Variants in NTRK2 observed in about 807,000 individuals in gnomAD.
NTRK2 encodes neurotrophic receptor tyrosine kinase 2.
In NTRK2, 13 loss-of-function variants were observed where a neutral mutation model predicts 94.5. That is an observed-to-expected ratio of 0.14 (90% CI 0.09 to 0.22). The LOEUF (loss-of-function observed/expected upper bound fraction) is 0.22, where lower values mean the gene tolerates loss of function less well. Among genes scored for constraint, NTRK2 ranks in the 10% least tolerant of loss-of-function variants. The pLI is 1.00. For missense variants in NTRK2, 639 were observed against 1,071.2 expected (o/e 0.60, Z 5.63); for synonymous variants, 372 against 407.4 (o/e 0.91, Z 1.05).
chr9:85,016,033 T>C (rs908630489), intron 17 of NTRK2, among the ~76,000 whole-genome samples: 4 of 152,248 alleles, frequency 2.6e-5, no homozygotes, highest in African/African-American at 7.2e-5. Context: ...CCATGTCTGC[T>C]GTAGAGCATA....
intron 17 of NTRK2, among the ~76,000 whole-genome samples, chr9:85,010,237 T>A (rs1831411589): frequency 6.6e-6 from 1 of 152,042 alleles, no homozygotes; most frequent in African/African-American, 2.4e-5. Flanking sequence ...ATAGGAAGAG[T>A]CTTACATTGG....
At chr9:84,955,819 C>G (rs1824045804) in intron 17 of NTRK2, among the ~76,000 whole-genome samples, 1 of 152,202 alleles carries the variant, frequency 6.6e-6, no homozygotes, top group Non-Finnish European at 1.5e-5. Context: ...GGACACCAGT[C>G]AGATTGGATT....
chr9:84,969,277 G>A (rs540189109), intron 17 of NTRK2, among the ~76,000 whole-genome samples: 2 of 152,306 alleles, frequency 1.3e-5, no homozygotes, highest in Non-Finnish European at 1.5e-5. Context: ...GGTCCAGAAC[G>A]ATCACTCGCT....
At chr9:84,915,903 G>C (rs2077378601) in intron 14 of NTRK2, among the ~76,000 whole-genome samples, 1 of 152,100 alleles carries the variant, frequency 6.6e-6, no homozygotes, top group South Asian at 2.1e-4. Context: ...CACTAGAGAA[G>C]TGTCCTGCTC....
At chr9:84,829,895 T>C (rs1334625301) in intron 12 of NTRK2, among the ~76,000 whole-genome samples, 3 of 152,224 alleles carry the variant, frequency 2.0e-5, no homozygotes, top group African/African-American at 7.2e-5. Context: ...TTACTGCATT[T>C]GAGAGTGTTT....
intron 17 of NTRK2, among the ~76,000 whole-genome samples, chr9:84,998,287 G>A (rs1289589716): frequency 6.6e-6 from 1 of 152,168 alleles, no homozygotes; most frequent in East Asian, 1.9e-4. Context: ...CACTTCAAGG[G>A]GCACTTAGCT....
At chr9:84,840,481 C>G (rs1014574645) in intron 12 of NTRK2, among the ~76,000 whole-genome samples, 1 of 151,992 alleles carries the variant, frequency 6.6e-6, no homozygotes, top group African/African-American at 2.4e-5. Context: ...GGCTTCTCCC[C>G]AGGACCGCCC....
chr9:84,939,591 A>T (rs1363990805), intron 15 of NTRK2, among the ~76,000 whole-genome samples: 1 of 152,236 alleles, frequency 6.6e-6, no homozygotes, highest in African/African-American at 2.4e-5. Context: ...CAAGGGAATA[A>T]GTGGAAATAA....
At chr9:84,694,795 A>C (rs1446346386) in intron 2 of NTRK2, among the ~76,000 whole-genome samples, 1 of 152,128 alleles carries the variant, frequency 6.6e-6, no homozygotes, top group African/African-American at 2.4e-5. Flanking sequence ...TCAATCATCT[A>C]TCTATCATCT....
At chr9:84,836,258 A>G (rs1263633176) in intron 12 of NTRK2, among the ~76,000 whole-genome samples, 1 of 152,184 alleles carries the variant, frequency 6.6e-6, no homozygotes, top group Non-Finnish European at 1.5e-5. Context: ...GTTTAGAGAA[A>G]TGCAAGAAGA....
chr9:84,726,212 T>G (rs990585311), intron 8 of NTRK2, among the ~76,000 whole-genome samples: 3 of 152,136 alleles, frequency 2.0e-5, no homozygotes, highest in Non-Finnish European at 4.4e-5. Flanking sequence ...ACTGGCTGGG[T>G]GTGGTGGCTC....
chr9:84,702,036 T>A, intron 2 of NTRK2, 123 bp from the exon 3 acceptor site: 1 of 814,640 alleles, frequency 1.2e-6, no homozygotes, highest in Non-Finnish European at 2.1e-6. Flanking sequence ...TTTAAAAAAA[T>A]GGCAAGGCTC....
In NTRK2 at chr9:84,670,941, C is replaced by T; in HGVS notation, c.193C>T (p.Pro65Ser). ...GAGATTGGAGCCTAACAGTGTAGAT[C>T]CTGAGAACATCACCGAAATGTGAGT... is the stretch of plus-strand genomic sequence containing the variant. ...FPRLEPNSVD[P>S]ENITEIFIAN... is the part of the protein sequence containing the mutation. Residue 65 changes from proline to serine, a missense_variant, in exon 2 of 19, where the codon CCT (proline) becomes TCT (serine). Coordinates refer to ENST00000277120, the MANE Select transcript of NTRK2 (RefSeq NM_006180.6). The T allele has an allele frequency of 6.2e-7, 1 of 1,604,724 alleles. No homozygotes were observed. The highest frequency in any genetic ancestry group is 8.5e-7 in the Non-Finnish European group (1 of 1,179,580).
chr9:84,724,348 C>A lies in NTRK2; in HGVS notation c.845C>A (p.Thr282Asn), dbSNP rs202187366. The A allele has an allele frequency of 1.2e-6, 2 of 1,614,196 alleles. No individual in the cohort carries two copies. The highest frequency in any genetic ancestry group is 1.7e-6 in the Non-Finnish European group (2 of 1,180,002). Residue 282 changes from threonine (T) to asparagine (N), a missense_variant, in exon 8 of 19, where the codon ACT (threonine) becomes AAT (asparagine). This residue lies in a region of NTRK2 where 343 missense variants were observed against 571.5 expected (regional missense o/e 0.60). Coordinates refer to ENST00000277120, the MANE Select transcript of NTRK2 (RefSeq NM_006180.6). ...VGEDQDSVNL[T>N]VHFAPTITFL... ...GAAGATCAAGATTCTGTCAACCTCA[C>A]TGTGCATTGTACGTAATCAGACTGG...
Position 84,938,543 on chromosome 9 carries a change from T to TTA in NTRK2, c.1764+4263_1764+4264dup, listed in dbSNP as rs150074024. On this transcript the variant is annotated intron_variant, in intron 15 of 18. Coordinates refer to ENST00000277120, the MANE Select transcript of NTRK2 (RefSeq NM_006180.6). ...TATAGCATTTGTCAATATTTTAAAA[T>TTA]TATATATATATATTTCTGGGCTTAT... is the stretch of plus-strand genomic sequence containing the variant. Among the ~76,000 whole-genome samples the TTA allele has an allele frequency of 1.5e-4, 23 of 152,088 alleles. No homozygotes were observed. In the East Asian group the frequency reaches 2.5e-3, roughly 17 times the overall value.
At chr9:84,758,986 TTTG>T (rs1164385761) in intron 12 of NTRK2, among the ~76,000 whole-genome samples, 1 of 152,198 alleles carries the variant, frequency 6.6e-6, no homozygotes. Context: ...ACAGAAACCC[TTTG>T]TTAAACTACT....
chr9:84,806,486 A>G (rs554121968), intron 12 of NTRK2, among the ~76,000 whole-genome samples: 2 of 152,204 alleles, frequency 1.3e-5, no homozygotes, highest in Non-Finnish European at 2.9e-5. Flanking sequence ...ACCAGGACCA[A>G]GACCAGGACC....
At chr9:84,752,739 TTG>T (rs1439712110) in intron 12 of NTRK2, among the ~76,000 whole-genome samples, 1 of 152,226 alleles carries the variant, frequency 6.6e-6, no homozygotes, top group East Asian at 1.9e-4. Context: ...TATAAATTTC[TTG>T]TTACATAAAA....
At chr9:84,832,417 T>A (rs2073607869) in intron 12 of NTRK2, among the ~76,000 whole-genome samples, 1 of 152,204 alleles carries the variant, frequency 6.6e-6, no homozygotes, top group Non-Finnish European at 1.5e-5. Flanking sequence ...TCAGAGAAGC[T>A]ATTTCTTGCT....
Sources: gnomAD v4.1 joint callset for allele counts (sites outside exome capture counted in the v4.1 genomes callset) on GRCh38, gnomAD v4.1.1 for gene constraint, gnomAD v4.1.1 regional missense constraint, MANE v1.5 for transcripts, NCBI Gene and HGNC (gene_info 2026-07-23, HGNC 2026-07-21) for gene names.